Variants in ARHGEF10 observed in about 807,000 individuals in gnomAD.
The protein encoded by ARHGEF10 is Rho guanine nucleotide exchange factor (GEF) 10.
A neutral mutation model predicts 147.4 loss-of-function variants in ARHGEF10; 140 were observed. The observed-to-expected ratio is 0.95, with a 90% CI of 0.83 to 1.09. The LOEUF (loss-of-function observed/expected upper bound fraction) is 1.09, where lower values mean the gene tolerates loss of function less well. Ranked by LOEUF, ARHGEF10 falls within the 50% of genes least tolerant of loss-of-function variation. The probability of loss-of-function intolerance (pLI) is 0.00; values close to 1 mark genes in which losing one functional copy is unlikely to be tolerated. For missense variants in ARHGEF10, 2,222 were observed against 1,752.7 expected, an observed-to-expected ratio of 1.27 and a Z score of -4.78; for synonymous variants, 902 against 695.8, an observed-to-expected ratio of 1.30 and a Z score of -4.67.
At chr8:1,891,570 C>T (rs541030527) in intron 11 of ARHGEF10, among the ~76,000 whole-genome samples, 1 of 152,310 alleles carries the variant, frequency 6.6e-6, no homozygotes, top group Admixed American at 6.5e-5. Context: ...ATCCGCAGCT[C>T]TCCCAGCTCA....
intron 27 of ARHGEF10, among the ~76,000 whole-genome samples, chr8:1,950,349 C>T (rs9644317): frequency 0.13 from 20,399 of 152,138 alleles, 1,360 homozygotes; most frequent in East Asian, 0.23. Flanking sequence ...GACCTCGTGA[C>T]TGTGGCCCTC....
chr8:1,867,502 T>C (rs1416320532), intron 6 of ARHGEF10, among the ~76,000 whole-genome samples: 1 of 152,192 alleles, frequency 6.6e-6, no homozygotes, highest in African/African-American at 2.4e-5. Flanking sequence ...TTTAAACCTG[T>C]AGGATTATGT....
chr8:1,839,633 T>A lies in ARHGEF10; in HGVS notation c.-47-3720T>A, dbSNP rs1208628351. On this transcript the variant is annotated intron_variant, in intron 1 of 28. Coordinates refer to ENST00000349830, the MANE Select transcript of ARHGEF10 (RefSeq NM_014629.4). ...TGGGGACTGTCTGGTGTGGAAGCTG[T>A]CTGGTGTGGGGACTGTCCGCTGTGG... is the stretch of plus-strand genomic sequence containing the variant. Among the ~76,000 whole-genome samples the A allele has an allele frequency of 4.5e-5, 6 of 133,198 alleles. 2 individuals are homozygous for A. The highest frequency in any genetic ancestry group is 1.8e-4 in the African/African-American group (6 of 33,166). The allele number at this position is 133,198 out of a possible 152,430, so 87.4% of individuals were successfully genotyped here.
At chr8:1,839,344 CTGTCTGG>C in intron 1 of ARHGEF10, among the ~76,000 whole-genome samples, 1 of 137,054 alleles carries the variant, frequency 7.3e-6, no homozygotes, top group South Asian at 2.4e-4. Context: ...GGTGTAGGGA[CTGTCTGG>C]TGTGGGGACT....
At chr8:1,832,448 A>ACAGAGACAGAGG (rs1466067948) in intron 1 of ARHGEF10, among the ~76,000 whole-genome samples, 1 of 149,616 alleles carries the variant, frequency 6.7e-6, no homozygotes, top group African/African-American at 2.5e-5. Context: ...AGAGGCAGAG[A>ACAGAGACAGAGG]CAGAGACAGA....
intron 4 of ARHGEF10, among the ~76,000 whole-genome samples, chr8:1,860,958 G>T (rs575881572): frequency 2.6e-5 from 4 of 152,166 alleles, no homozygotes; most frequent in Admixed American, 6.5e-5. Context: ...GGAAGATGCC[G>T]CAGGATCTCA....
chr8:1,882,247 C>T (rs555071982), intron 9 of ARHGEF10, among the ~76,000 whole-genome samples: 5 of 152,300 alleles, frequency 3.3e-5, no homozygotes, highest in East Asian at 1.9e-4. Flanking sequence ...TGGGAAGCCC[C>T]GGGGAGGTTA....
intron 26 of ARHGEF10, among the ~76,000 whole-genome samples, chr8:1,934,354 C>A (rs79493012): frequency 1.5e-3 from 172 of 117,350 alleles, no homozygotes; most frequent in Admixed American, 1.6e-3. Flanking sequence ...ACCCTGTCTC[C>A]AAAAAAAAAA....
intron 18 of ARHGEF10, among the ~76,000 whole-genome samples, chr8:1,915,848 A>G (rs1811722190): frequency 6.6e-6 from 1 of 152,126 alleles, no homozygotes; most frequent in African/African-American, 2.4e-5. Context: ...ATGCCAAAAT[A>G]CTCATTCTCA....
At chr8:1,832,557 G>GAGAGACAGAGGC in intron 1 of ARHGEF10, among the ~76,000 whole-genome samples, 1 of 146,996 alleles carries the variant, frequency 6.8e-6, no homozygotes, top group Middle Eastern at 3.6e-3. Context: ...CAGAGACAGA[G>GAGAGACAGAGGC]AGAGACAGAG....
In ARHGEF10 at chr8:1,843,408, G is replaced by T. The variant is rs908918964; in HGVS notation, c.9G>T (p.Gln3His). Reference sequence around the variant, plus strand: ...GCATCTGGAGCTGCAGCATGGACCAGCGAGAGCCCCTGCCTCCCGCTCCTG... The same window carrying T: ...GCATCTGGAGCTGCAGCATGGACCATCGAGAGCCCCTGCCTCCCGCTCCTG... MD[Q>H]REPLPPAPAE... Residue 3 changes from glutamine to histidine, a missense_variant, in exon 2 of 29, where the codon CAG becomes CAT. Transcript: ENST00000349830. The T allele has an allele frequency of 2.5e-6, 4 of 1,613,286 alleles. No homozygotes were observed. The highest frequency in any genetic ancestry group is 3.4e-6 in the Non-Finnish European group (4 of 1,179,988).
intron 18 of ARHGEF10, among the ~76,000 whole-genome samples, chr8:1,915,651 G>T (rs118109878): frequency 6.6e-6 from 1 of 152,368 alleles, no homozygotes; most frequent in East Asian, 1.9e-4. Context: ...CCGTCACTGT[G>T]TCTGTTTATA....
intron 1 of ARHGEF10, among the ~76,000 whole-genome samples, chr8:1,834,433 C>T (rs1433188516): frequency 6.6e-6 from 1 of 152,072 alleles, no homozygotes; most frequent in African/African-American, 2.4e-5. Context: ...CCAGGGAGGA[C>T]CCTGGAGAGA....
intron 18 of ARHGEF10, among the ~76,000 whole-genome samples, chr8:1,918,858 G>A (rs1361300247): frequency 6.6e-6 from 1 of 151,122 alleles, no homozygotes. Context: ...GAGCTGTTAT[G>A]TGGATGATGG....
At position 1,956,994 on chromosome 8, in the gene ARHGEF10, C is replaced by G. The variant is rs763747580; in HGVS notation, c.3766C>G (p.Leu1256Val). ...GGGATCGATGACTCAGAAAAGCGAC[C>G]TGTCCTCCTCATCTGGGTCCCTGAG... ...SLGSMTQKSD[L>V]SSSSGSLSLS... Residue 1256 changes from leucine to valine, a missense_variant, in exon 29 of 29, where the codon CTG becomes GTG. Leu to Val is a conservative substitution (Grantham distance 32). Coordinates refer to ENST00000349830, the MANE Select transcript of ARHGEF10 (RefSeq NM_014629.4). 6.2e-7 allele frequency: 1 copy of G among 1,614,146 alleles called. No homozygotes were observed. Among genetic ancestry groups the G allele is most frequent in the Non-Finnish European group, 8.5e-7 (1 of 1,180,042 alleles).
intron 15 of ARHGEF10, among the ~76,000 whole-genome samples, chr8:1,902,531 T>C (rs1585468799): frequency 6.6e-6 from 1 of 152,006 alleles, no homozygotes; most frequent in East Asian, 1.9e-4. Context: ...TTAAGAGAAA[T>C]TTTAGGGTCG....
At chr8:1,926,092 C>G (rs549552439) in intron 22 of ARHGEF10, among the ~76,000 whole-genome samples, 3 of 152,274 alleles carry the variant, frequency 2.0e-5, no homozygotes, top group African/African-American at 7.2e-5. Context: ...AGGGCCAGCC[C>G]TCCCATCTGA....
At chr8:1,837,274 G>A (rs1803641903) in intron 1 of ARHGEF10, among the ~76,000 whole-genome samples, 1 of 144,556 alleles carries the variant, frequency 6.9e-6, no homozygotes, top group Non-Finnish European at 1.5e-5. Context: ...TCGGGGGCAT[G>A]CTCTCTGCAC....
At position 1,837,415 on chromosome 8, in the gene ARHGEF10, C is replaced by T. The variant is rs143557868; in HGVS notation, c.-47-5938C>T. On this transcript the variant is annotated intron_variant, in intron 1 of 28. Coordinates refer to ENST00000349830, the MANE Select transcript of ARHGEF10 (RefSeq NM_014629.4). ...TAATGCCCAGTGTTGTTCATCTTTC[C>T]GTTGGTCCTAAGATTATCAGTGGAA... is the stretch of plus-strand genomic sequence containing the variant. 3.9e-5 allele frequency among the ~76,000 whole-genome samples: 6 copies of T among 152,330 alleles called. No homozygotes were observed. In the East Asian group the frequency reaches 5.8e-4, roughly 15 times the overall value.
Sources: allele counts gnomAD v4.1 joint callset (sites outside exome capture counted in the v4.1 genomes callset), GRCh38; gene constraint gnomAD v4.1.1; transcripts MANE v1.5; gene names NCBI Gene and HGNC (gene_info 2026-07-23, HGNC 2026-07-21).